CREB5: variants seen among roughly 807,000 people sequenced by gnomAD.
CREB5 encodes cyclic AMP-responsive element-binding protein 5.
A neutral mutation model predicts 57.1 loss-of-function variants in CREB5; 19 were observed. The observed-to-expected ratio is 0.33, with a 90% CI of 0.23 to 0.49. The LOEUF is 0.49. CREB5 is among the 20% of genes least tolerant of loss of function. The pLI is 0.99. For missense variants in CREB5, 579 were observed against 671.6 expected (o/e 0.86, Z 1.52); for synonymous variants, 238 against 238.3 (o/e 1.00, Z 0.01).
chr7:28,719,541 A>G (rs1802896513), intron 6 of CREB5, among the ~76,000 whole-genome samples: 1 of 152,202 alleles, frequency 6.6e-6, no homozygotes, highest in Admixed American at 6.5e-5. Flanking sequence ...CCACTCTCTT[A>G]ACCACTATAT....
intron 5 of CREB5, among the ~76,000 whole-genome samples, chr7:28,706,310 C>T (rs1160772372): frequency 6.6e-6 from 1 of 151,884 alleles, no homozygotes; most frequent in Non-Finnish European, 1.5e-5. Context: ...GAGCTGAGAT[C>T]GTGCCATTGC....
At chr7:28,640,740 C>T (rs1023915335) in intron 5 of CREB5, among the ~76,000 whole-genome samples, 1 of 152,100 alleles carries the variant, frequency 6.6e-6, no homozygotes, top group African/African-American at 2.4e-5. Flanking sequence ...TGCAAATGTA[C>T]GATGCTCATT....
chr7:28,634,770 T>C (rs1171306727), intron 5 of CREB5, among the ~76,000 whole-genome samples: 4 of 152,218 alleles, frequency 2.6e-5, no homozygotes, highest in Non-Finnish European at 5.9e-5. Context: ...TCTCACTTTC[T>C]GAACTCTTAG....
chr7:28,640,051 A>G (rs1315365881), intron 5 of CREB5, among the ~76,000 whole-genome samples: 2 of 152,140 alleles, frequency 1.3e-5, no homozygotes, highest in East Asian at 1.9e-4. Context: ...TGCAGGAGGA[A>G]TTTGGTTGAA....
chr7:28,600,516 G>T (rs1370008070), intron 5 of CREB5, among the ~76,000 whole-genome samples: 1 of 152,148 alleles, frequency 6.6e-6, no homozygotes, highest in Non-Finnish European at 1.5e-5. Flanking sequence ...GAAAACTGAG[G>T]ATGGTAGGGA....
intron 5 of CREB5, among the ~76,000 whole-genome samples, chr7:28,599,288 A>G (rs1796815382): frequency 6.6e-6 from 1 of 152,178 alleles, no homozygotes; most frequent in Non-Finnish European, 1.5e-5. Flanking sequence ...ATTGTAATGA[A>G]CATGTTGTAT....
At chr7:28,769,199 T>C (rs1806180891) in intron 7 of CREB5, among the ~76,000 whole-genome samples, 4 of 152,214 alleles carry the variant, frequency 2.6e-5, no homozygotes, top group Admixed American at 2.6e-4. Flanking sequence ...CCTGAAACTA[T>C]AGCTCATTCA....
At chr7:28,718,349 G>A (rs147408374) in intron 5 of CREB5, among the ~76,000 whole-genome samples, 476 of 152,358 alleles carry the variant, frequency 3.1e-3, no homozygotes, top group African/African-American at 0.011. Flanking sequence ...CTTCCAGGCA[G>A]AGGTGTGGGA....
intron 7 of CREB5, among the ~76,000 whole-genome samples, chr7:28,790,472 G>GAGAGAGAGAGAGAGAGAA (rs1562643098): frequency 2.4e-5 from 3 of 124,944 alleles, no homozygotes; most frequent in Non-Finnish European, 5.3e-5. Context: ...TAGAGAGAGA[G>GAGAGAGAGAGAGAGAGAA]AGAAAGAAAG....
chr7:28,663,214 A>T (rs1467056016), intron 5 of CREB5, among the ~76,000 whole-genome samples: 1 of 150,888 alleles, frequency 6.6e-6, no homozygotes, highest in Non-Finnish European at 1.5e-5. Flanking sequence ...CCTTCATTTT[A>T]TTTTTCTTGA....
chr7:28,750,987 A>G (rs1328716958), intron 7 of CREB5, among the ~76,000 whole-genome samples: 9 of 152,098 alleles, frequency 5.9e-5, no homozygotes, highest in Admixed American at 5.9e-4. Flanking sequence ...GAAAAATTTT[A>G]AGGTTAGAAA....
chr7:28,429,922 C>G (rs965043594), intron 1 of CREB5, among the ~76,000 whole-genome samples: 2 of 152,204 alleles, frequency 1.3e-5, no homozygotes, highest in Non-Finnish European at 2.9e-5. Context: ...CAGCCTCATC[C>G]TGGGACATGA....
intron 1 of CREB5, among the ~76,000 whole-genome samples, chr7:28,363,864 G>A (rs148428109): frequency 6.6e-6 from 1 of 152,296 alleles, no homozygotes; most frequent in African/African-American, 2.4e-5. Flanking sequence ...GGGGAGAATT[G>A]TCATTGGTCT....
Position 28,526,334 on chromosome 7 carries a change from G to T in CREB5, c.291+18597G>T, listed in dbSNP as rs984226729. On this transcript the variant is annotated intron_variant, in intron 4 of 10. Coordinates refer to ENST00000357727, the MANE Select transcript of CREB5 (RefSeq NM_182898.4). ...TTTTAGGAAGGTTTGGCAGATGTTAGGTAGGCTGACTTCCAGGTCAGAAAA... is the reference window on the plus strand; with the variant it reads ...TTTTAGGAAGGTTTGGCAGATGTTATGTAGGCTGACTTCCAGGTCAGAAAA... 5.3e-5 allele frequency among the ~76,000 whole-genome samples: 7 copies of T among 133,218 alleles called. No individual in the cohort carries two copies. In the East Asian group the frequency reaches 1.3e-3, roughly 25 times the overall value. 87.4% of individuals were successfully genotyped at this position (133,218 alleles called of 152,430 possible).
chr7:28,612,714 T>C (rs1030384409), intron 5 of CREB5, among the ~76,000 whole-genome samples: 5 of 152,106 alleles, frequency 3.3e-5, no homozygotes, highest in Non-Finnish European at 7.4e-5. Flanking sequence ...AAAGGAAACA[T>C]TAATAGTGAA....
intron 5 of CREB5, among the ~76,000 whole-genome samples, chr7:28,608,094 GTCTCTCTC>G (rs149947396): frequency 2.6e-5 from 2 of 76,754 alleles, no homozygotes; most frequent in African/African-American, 9.5e-5. Context: ...CTCTCTCTCT[GTCTCTCTC>G]TCTCTCTCTC....
At chr7:28,805,070 G>A (rs969200030) in intron 8 of CREB5, among the ~76,000 whole-genome samples, 11 of 152,276 alleles carry the variant, frequency 7.2e-5, no homozygotes, top group South Asian at 2.1e-4. Flanking sequence ...ATGCTAGGGC[G>A]TAAGGTGCTG....
intron 1 of CREB5, among the ~76,000 whole-genome samples, chr7:28,454,099 A>G (rs897439092): frequency 6.6e-6 from 1 of 151,678 alleles, no homozygotes; most frequent in Non-Finnish European, 1.5e-5. Context: ...GACTACAGGC[A>G]CTCGCCACCA....
In CREB5 at chr7:28,819,262, C is replaced by T. The variant is rs757234943; in HGVS notation, c.1510C>T (p.Leu504=). The T allele has an allele frequency of 6.2e-7, 1 of 1,613,322 alleles. No individual in the cohort carries two copies. Among genetic ancestry groups the T allele is most frequent in the Non-Finnish European group, 8.5e-7 (1 of 1,179,638 alleles). ...CCAGCTCACCACTCACAGAACAGAC[C>T]TGAATCCGATTCTTTAAAATGCACC... ...LSQLTTHRTD[L]NPIL is the part of the protein sequence containing the mutation. The change falls in exon 11 of 11, where the codon CTG becomes TTG. Residue 504 remains leucine, a synonymous_variant. Transcript: ENST00000357727.
Sources: gnomAD v4.1 joint callset for allele counts (sites outside exome capture counted in the v4.1 genomes callset) on GRCh38, gnomAD v4.1.1 for gene constraint, MANE v1.5 for transcripts, NCBI Gene and HGNC (gene_info 2026-07-23, HGNC 2026-07-21) for gene names.